The following GALNT10 variants were observed in gnomAD, a reference collection of about 807,000 sequenced individuals.
GALNT10 encodes the protein polypeptide N-acetylgalactosaminyltransferase 10.
Under a neutral mutation model 75.0 loss-of-function variants are expected in GALNT10, and 41 were observed. The ratio of observed to expected loss-of-function variants is 0.55; its 90% CI spans 0.43 to 0.71. The LOEUF (loss-of-function observed/expected upper bound fraction) is 0.71. GALNT10 is among the 30% of genes least tolerant of loss of function. The probability of loss-of-function intolerance (pLI) is 0.00; values close to 1 mark genes in which losing one functional copy is unlikely to be tolerated. For missense variants in GALNT10, 727 were observed against 818.5 expected (o/e 0.89, Z 1.36); for synonymous variants, 302 against 313.0 (o/e 0.96, Z 0.37).
chr5:154,240,521 A>G (rs1191801219), intron 1 of GALNT10, among the ~76,000 whole-genome samples: 3 of 152,182 alleles, frequency 2.0e-5, no homozygotes, highest in African/African-American at 4.8e-5. Flanking sequence ...TCAGATACTT[A>G]AGGACATGGA....
intron 1 of GALNT10, among the ~76,000 whole-genome samples, chr5:154,271,154 G>A (rs925849283): frequency 2.0e-5 from 3 of 152,122 alleles, no homozygotes; most frequent in African/African-American, 7.2e-5. Flanking sequence ...GGCTGGGGCT[G>A]TATGTAGATC....
chr5:154,190,760 C>A lies in GALNT10; in HGVS notation c.-107C>A, dbSNP rs1335330359. On this transcript the variant is annotated 5_prime_UTR_variant, in exon 1 of 12. Coordinates refer to ENST00000297107, the MANE Select transcript of GALNT10 (RefSeq NM_198321.4). ...GTTGGAGCGGGGCCGGCGCCGCAGC[C>A]GCTTCTGCTGGCTGAGCTGCTGCCG... 1.0e-5 allele frequency: 4 copies of A among 394,734 alleles called. No homozygotes were observed. Among genetic ancestry groups the A allele is most frequent in the East Asian group, 3.3e-4 (2 of 6,030 alleles). The allele number at this position is 394,734 out of a possible 1,614,324, so 24.5% of individuals were successfully genotyped here.
rs201268104 is a variant in GALNT10, at chr5:154,210,010, TAA to T, written c.159+18987_159+18988del. Among the ~76,000 whole-genome samples the T allele has an allele frequency of 8.0e-3, 1,216 of 152,308 alleles. 23 individuals are homozygous for T. The highest frequency in any genetic ancestry group is 0.028 in the African/African-American group (1,147 of 41,542). On this transcript the variant is annotated intron_variant, in intron 1 of 11. Transcript: ENST00000297107. ...TTTGTCACTAAATGAGTTATTTTTT[TAA>T]AGTTATTTAAAAAGCCTGTTTGGAC...
chr5:154,214,181 T>C (rs1202905387), intron 1 of GALNT10, among the ~76,000 whole-genome samples: 1 of 152,078 alleles, frequency 6.6e-6, no homozygotes, highest in African/African-American at 2.4e-5. Context: ...TTGAGAAAAA[T>C]TGGTTTTGAT....
rs545096195 is a variant in GALNT10, at chr5:154,330,777, G to A, written c.568+1039G>A. ...GAGGCACTAATAAGCAGTGAAGAGA[G>A]GGAGTATGCGTGCACTCCAGAATAA... On this transcript the variant is annotated intron_variant, in intron 4 of 11. Transcript: ENST00000297107. 8.5e-4 allele frequency among the ~76,000 whole-genome samples: 129 copies of A among 152,316 alleles called. 1 individual carries two copies. The highest frequency in any genetic ancestry group is 2.9e-3 in the African/African-American group (122 of 41,566).
intron 3 of GALNT10, among the ~76,000 whole-genome samples, chr5:154,315,481 C>T (rs1754582654): frequency 1.3e-5 from 2 of 152,214 alleles, no homozygotes; most frequent in Non-Finnish European, 2.9e-5. Context: ...ATTAAGAGGC[C>T]TTAGCTCTCC....
intron 8 of GALNT10, among the ~76,000 whole-genome samples, chr5:154,406,967 CA>C (rs1756294844): frequency 6.6e-6 from 1 of 152,190 alleles, no homozygotes; most frequent in South Asian, 2.1e-4. Flanking sequence ...AACAGCCAGA[CA>C]GCCTTGAGGT....
intron 8 of GALNT10, among the ~76,000 whole-genome samples, chr5:154,405,329 G>A (rs1378966713): frequency 9.2e-5 from 14 of 152,206 alleles, no homozygotes; most frequent in Middle Eastern, 3.2e-3. Context: ...GGTGGGAGCT[G>A]AGCTCCGGGA....
Position 154,285,997 on chromosome 5 carries a change from T to C in GALNT10, c.160-8819T>C, listed in dbSNP as rs577939545. The stretch of plus-strand genomic sequence containing the variant: ...GAATGCTGTGTACTCCTCTTTCTAC[T>C]GAGTTAACCTGTAATCCAATTTTCT... On this transcript the variant is annotated intron_variant, in intron 1 of 11. Coordinates refer to ENST00000297107, the MANE Select transcript of GALNT10 (RefSeq NM_198321.4). Among the ~76,000 whole-genome samples, 105 of 152,318 alleles carry C rather than the reference T, an allele frequency of 6.9e-4. 1 individual carries two copies. The highest frequency in any genetic ancestry group is 6.0e-4 in the Non-Finnish European group (41 of 68,034).
intron 1 of GALNT10, among the ~76,000 whole-genome samples, chr5:154,289,008 A>G (rs1754152148): frequency 6.6e-6 from 1 of 152,196 alleles, no homozygotes; most frequent in Non-Finnish European, 1.5e-5. Context: ...TATCAGCAAG[A>G]GCCAGTTGAA....
chr5:154,309,959 TAGTA>T (rs1754488909), intron 3 of GALNT10, among the ~76,000 whole-genome samples: 1 of 152,200 alleles, frequency 6.6e-6, no homozygotes, highest in Admixed American at 6.5e-5. Context: ...GCATAACAGA[TAGTA>T]AGCCTAAAAA....
intron 3 of GALNT10, among the ~76,000 whole-genome samples, chr5:154,324,633 T>A (rs1010597651): frequency 6.6e-6 from 1 of 152,126 alleles, no homozygotes; most frequent in Non-Finnish European, 1.5e-5. Flanking sequence ...CAAATTTGAG[T>A]GGGCATCAAA....
chr5:154,284,922 A>ATTATATAATATAATCAAGTC (rs1221786251), intron 1 of GALNT10, among the ~76,000 whole-genome samples: 3 of 152,338 alleles, frequency 2.0e-5, no homozygotes, highest in African/African-American at 7.2e-5. Flanking sequence ...AATGACGATA[A>ATTATATAATATAATCAAGTC]TAATATAGTC....
chr5:154,273,269 C>T (rs1418596163), intron 1 of GALNT10, among the ~76,000 whole-genome samples: 1 of 152,166 alleles, frequency 6.6e-6, no homozygotes, highest in Non-Finnish European at 1.5e-5. Flanking sequence ...ATAGCTGCTG[C>T]TCCTGGCTTG....
chr5:154,345,922 A>G (rs1345024696), intron 4 of GALNT10, among the ~76,000 whole-genome samples: 1 of 145,490 alleles, frequency 6.9e-6, no homozygotes, highest in African/African-American at 2.6e-5. Flanking sequence ...CTGGGACTAC[A>G]GTTGTGCACC....
intron 1 of GALNT10, among the ~76,000 whole-genome samples, chr5:154,192,530 G>C (rs1774873813): frequency 6.6e-6 from 1 of 152,204 alleles, no homozygotes; most frequent in African/African-American, 2.4e-5. Context: ...CTAACTTACT[G>C]TGTGTGTCCT....
intron 3 of GALNT10, among the ~76,000 whole-genome samples, chr5:154,302,390 G>C (rs1041547201): frequency 6.6e-6 from 1 of 152,220 alleles, no homozygotes. Context: ...GAGTGGGCCT[G>C]CCCTCTGCAC....
chr5:154,266,536 A>G (rs2113029766), intron 1 of GALNT10, among the ~76,000 whole-genome samples: 1 of 151,236 alleles, frequency 6.6e-6, no homozygotes, highest in Admixed American at 6.6e-5. Context: ...TTTCCCAACA[A>G]TCTACAGTCA....
chr5:154,401,792 C>T (rs1052812316), intron 7 of GALNT10, among the ~76,000 whole-genome samples: 4 of 152,136 alleles, frequency 2.6e-5, no homozygotes, highest in African/African-American at 4.8e-5. Flanking sequence ...AGAGCAAGCC[C>T]TTCTAGAGCC....
Sources: allele counts gnomAD v4.1 joint callset (sites outside exome capture counted in the v4.1 genomes callset), GRCh38; gene constraint gnomAD v4.1.1; transcripts MANE v1.5; gene names NCBI Gene and HGNC (gene_info 2026-07-23, HGNC 2026-07-21).